PKHD1: variants seen among roughly 807,000 people sequenced by gnomAD.
The protein encoded by PKHD1 is fibrocystin.
Under a neutral mutation model 412.0 loss-of-function variants are expected in PKHD1, and 291 were observed. The observed-to-expected ratio is 0.71, with a 90% CI of 0.64 to 0.78. The LOEUF (loss-of-function observed/expected upper bound fraction) is 0.78, where lower values mean the gene tolerates loss of function less well. Among genes scored for constraint, PKHD1 ranks in the 30% least tolerant of loss-of-function variants. The probability of loss-of-function intolerance (pLI) is 0.00; values close to 1 mark genes in which losing one functional copy is unlikely to be tolerated. For missense variants in PKHD1, 4,825 were observed against 4,950.7 expected (o/e 0.97, Z 0.76); for synonymous variants, 1,777 against 1,821.5 (o/e 0.98, Z 0.62).
intron 43 of PKHD1, among the ~76,000 whole-genome samples, chr6:51,893,106 T>C (rs544272932): frequency 2.9e-4 from 44 of 152,348 alleles, no homozygotes; most frequent in Non-Finnish European, 5.3e-4. Flanking sequence ...CCACCTTGTC[T>C]GCAAGTATAC....
intron 60 of PKHD1, among the ~76,000 whole-genome samples, chr6:51,723,136 T>C (rs1782135820): frequency 6.6e-6 from 1 of 152,136 alleles, no homozygotes; most frequent in South Asian, 2.1e-4. Flanking sequence ...CACATCTCAG[T>C]TTTTTCTCTA....
chr6:51,657,120 TAA>T lies in PKHD1; in HGVS notation c.11174+1830_11174+1831del, dbSNP rs34088582. Among the ~76,000 whole-genome samples the T allele has an allele frequency of 3.4e-3, 487 of 145,210 alleles. 1 individual carries two copies. Among genetic ancestry groups the T allele is most frequent in the South Asian group, 6.8e-3 (31 of 4,554 alleles). On this transcript the variant is annotated intron_variant, in intron 61 of 66. Coordinates refer to ENST00000371117, the MANE Select transcript of PKHD1 (RefSeq NM_138694.4). ...GAAAAAACTTAAAGTATAATAATAA[TAA>T]AAAAAAAAAAAAGAAAGAACTGCAT...
chr6:52,053,955 G>T, intron 20 of PKHD1, 83 bp downstream of exon 20: 4 of 1,394,344 alleles, frequency 2.9e-6, no homozygotes, highest in Non-Finnish European at 3.1e-6. Flanking sequence ...GACCATTAGT[G>T]CCTGAGGTGG....
At chr6:51,959,606 C>A (rs1791686196) in intron 36 of PKHD1, among the ~76,000 whole-genome samples, 1 of 152,036 alleles carries the variant, frequency 6.6e-6, no homozygotes, top group East Asian at 1.9e-4. Flanking sequence ...AATAAAGAAG[C>A]ATATTCTTTG....
intron 37 of PKHD1, among the ~76,000 whole-genome samples, chr6:51,917,195 G>GGGGGGA (rs149004848): frequency 8.8e-6 from 1 of 113,942 alleles, no homozygotes; most frequent in Non-Finnish European, 1.7e-5. Context: ...GAGGTGGGGG[G>GGGGGGA]GAGAGAGAGA....
rs117057855 is a variant in PKHD1 at position 52,066,999 on chromosome 6, C to T, written c.779-922G>A. On this transcript the variant is annotated intron_variant, in intron 11 of 66. Transcript: ENST00000371117. ...CTTTATCTCATTCTTTCCTCTCCTA[C>T]GATCAAGCTTTGACATTTCTAAGAT... 5.3e-4 allele frequency among the ~76,000 whole-genome samples: 80 copies of T among 152,302 alleles called. No individual in the cohort carries two copies. In the East Asian group the frequency reaches 7.3e-3, roughly 14 times the overall value.
intron 46 of PKHD1, 25 bp downstream of exon 46, chr6:51,883,067 TA>T: frequency 6.2e-7 from 1 of 1,604,192 alleles, no homozygotes; most frequent in Non-Finnish European, 8.5e-7. Flanking sequence ...ATTGACAGCC[TA>T]AAACAACCAC....
In PKHD1 at chr6:51,659,835, C is replaced by T; in HGVS notation, c.10291G>A (p.Val3431Ile). Residue 3431 changes from valine (V) to isoleucine (I), a missense_variant, in exon 61 of 67, where the codon GTA becomes ATA. Transcript: ENST00000371117. ...TCAACAAAACCACTAGTCACAGATACAACTGGATATAACTTCTGAATTGCC... is the reference window on the plus strand; with the variant it reads ...TCAACAAAACCACTAGTCACAGATATAACTGGATATAACTTCTGAATTGCC... ...IWAIQKLYPV[V>I]SVTSGFVDVF... The T allele has an allele frequency of 6.2e-7, 1 of 1,613,854 alleles. No homozygotes were observed. The highest frequency in any genetic ancestry group is 8.5e-7 in the Non-Finnish European group (1 of 1,179,842).
chr6:52,027,202 C>T (rs1172925186), intron 31 of PKHD1, among the ~76,000 whole-genome samples: 1 of 152,116 alleles, frequency 6.6e-6, no homozygotes, highest in African/African-American at 2.4e-5. Context: ...TAGAGTGTCA[C>T]CCATCAGACG....
At chr6:51,737,859 A>G (rs1784054087) in intron 60 of PKHD1, among the ~76,000 whole-genome samples, 1 of 152,192 alleles carries the variant, frequency 6.6e-6, no homozygotes, top group African/African-American at 2.4e-5. Context: ...CAGTTTTAGT[A>G]GCTAGTGTCC....
At chr6:51,854,127 T>TTGTTGTTGATGC (rs1290169424) in intron 49 of PKHD1, among the ~76,000 whole-genome samples, 2 of 152,228 alleles carry the variant, frequency 1.3e-5, no homozygotes, top group East Asian at 3.9e-4. Context: ...GTTGTTTTTG[T>TTGTTGTTGATGC]TGTTGTTGAT....
chr6:51,659,610 G>A lies in PKHD1; in HGVS notation c.10516C>T (p.Pro3506Ser). 6.2e-7 allele frequency: 1 copy of A among 1,613,752 alleles called. No individual in the cohort carries two copies. Among genetic ancestry groups the A allele is most frequent in the African/African-American group, 1.3e-5 (1 of 75,002 alleles). Reference protein sequence around the residue: ...LAVFYHELQSPHVFLGESFIP... With the variant: ...LAVFYHELQSSHVFLGESFIP... The stretch of plus-strand genomic sequence containing the variant: ...AAACTTTCCCCTAAGAAGACGTGGG[G>A]GCTCTGGAGCTCATGGTAGAATACA... Residue 3506 changes from proline to serine, a missense_variant, in exon 61 of 67, where the codon CCC (proline) becomes TCC (serine). Coordinates refer to ENST00000371117, the MANE Select transcript of PKHD1 (RefSeq NM_138694.4).
At chr6:51,972,559 T>C (rs1449752225) in intron 35 of PKHD1, among the ~76,000 whole-genome samples, 3 of 152,230 alleles carry the variant, frequency 2.0e-5, no homozygotes. Flanking sequence ...GCAGATGCTT[T>C]CCTTGTACGT....
At chr6:51,998,594 A>T (rs1395317353) in intron 35 of PKHD1, among the ~76,000 whole-genome samples, 1 of 152,206 alleles carries the variant, frequency 6.6e-6, no homozygotes, top group East Asian at 1.9e-4. Context: ...TCTAGAAAGG[A>T]GCTAGAGCTT....
chr6:51,653,029 T>C lies in PKHD1; in HGVS notation c.11175-3809A>G, dbSNP rs188567742. 5.7e-3 allele frequency among the ~76,000 whole-genome samples: 869 copies of C among 152,260 alleles called. 5 individuals are homozygous for C. Among genetic ancestry groups the C allele is most frequent in the African/African-American group, 0.02 (811 of 41,552 alleles). On this transcript the variant is annotated intron_variant, in intron 61 of 66. Coordinates refer to ENST00000371117, the MANE Select transcript of PKHD1 (RefSeq NM_138694.4). ...ATTCTAAAGAATTCTAAATTAAATA[T>C]ATTATGTTTATATACAGGGAAAATG...
chr6:51,623,582 T>C (rs1766886469), intron 66 of PKHD1, among the ~76,000 whole-genome samples: 2 of 152,038 alleles, frequency 1.3e-5, no homozygotes. Context: ...TTTTTATTTA[T>C]CTATTTTTTT....
chr6:51,935,041 T>C (rs1340714578), intron 36 of PKHD1, among the ~76,000 whole-genome samples: 1 of 152,194 alleles, frequency 6.6e-6, no homozygotes, highest in Admixed American at 6.5e-5. Flanking sequence ...CCCATCTCCC[T>C]GCCTGCCCCA....
chr6:51,648,839 G>T (rs1770482138), intron 62 of PKHD1, among the ~76,000 whole-genome samples: 1 of 152,146 alleles, frequency 6.6e-6, no homozygotes, highest in South Asian at 2.1e-4. Flanking sequence ...AATTTGGTTG[G>T]GGAGGAAAAG....
intron 60 of PKHD1, among the ~76,000 whole-genome samples, chr6:51,739,005 A>ATGTG (rs148648226): frequency 6.7e-6 from 1 of 149,096 alleles, no homozygotes; most frequent in Non-Finnish European, 1.5e-5. Context: ...CTCTCCTGGA[A>ATGTG]TGTGTGTGTG....
Sources: allele counts gnomAD v4.1 joint callset (sites outside exome capture counted in the v4.1 genomes callset), GRCh38; gene constraint gnomAD v4.1.1; transcripts MANE v1.5; gene names NCBI Gene and HGNC (gene_info 2026-07-23, HGNC 2026-07-21).